The following EYS variants were observed in gnomAD, a reference collection of about 807,000 sequenced individuals.
The protein encoded by EYS is EGF-like photoreceptor maintenance factor, also known as protein eyes shut homolog.
Under a neutral mutation model 282.1 loss-of-function variants are expected in EYS, and 250 were observed. The ratio of observed to expected loss-of-function variants is 0.89; its 90% confidence interval spans 0.80 to 0.98. EYS has a LOEUF of 0.98. Ranked by LOEUF, EYS falls within the 50% of genes least tolerant of loss-of-function variation. The pLI is 0.00. For missense variants in EYS, 4,016 were observed against 3,709.0 expected (o/e 1.08, Z -2.15); for synonymous variants, 1,355 against 1,282.9 (o/e 1.06, Z -1.20).
intron 26 of EYS, among the ~76,000 whole-genome samples, chr6:64,502,068 T>TA (rs777233567): frequency 3.3e-5 from 5 of 152,192 alleles, no homozygotes; most frequent in Non-Finnish European, 7.3e-5. Context: ...GCTAAGTACT[T>TA]ATAGCAGTGC....
intron 26 of EYS, among the ~76,000 whole-genome samples, chr6:64,504,536 C>T (rs182661044): frequency 9.8e-5 from 15 of 152,300 alleles, no homozygotes; most frequent in Admixed American, 8.5e-4. Flanking sequence ...TGGACATTCA[C>T]TACTGCTGTC....
chr6:64,603,010 C>CT (rs1326248936), intron 24 of EYS, among the ~76,000 whole-genome samples: 1 of 151,844 alleles, frequency 6.6e-6, no homozygotes, highest in Non-Finnish European at 1.5e-5. Context: ...CCTATTGCCT[C>CT]TTGTGTTGGG....
intron 31 of EYS, among the ~76,000 whole-genome samples, chr6:64,208,364 C>G (rs1042952819): frequency 3.3e-5 from 5 of 152,214 alleles, no homozygotes; most frequent in Non-Finnish European, 7.4e-5. Flanking sequence ...TATTTTATTA[C>G]ATTGTTACAC....
At chr6:64,142,511 G>A (rs1774369490) in intron 31 of EYS, among the ~76,000 whole-genome samples, 1 of 152,068 alleles carries the variant, frequency 6.6e-6, no homozygotes, top group Non-Finnish European at 1.5e-5. Context: ...AGCAGTCAGT[G>A]CAGAAAGGGA....
At chr6:64,335,230 G>C (rs958360869) in intron 29 of EYS, among the ~76,000 whole-genome samples, 1 of 151,892 alleles carries the variant, frequency 6.6e-6, no homozygotes, top group African/African-American at 2.4e-5. Flanking sequence ...TAAAGTTGCT[G>C]CAAAGTGTGA....
intron 30 of EYS, among the ~76,000 whole-genome samples, chr6:64,276,656 A>G (rs1213101874): frequency 6.6e-6 from 1 of 152,180 alleles, no homozygotes; most frequent in East Asian, 1.9e-4. Flanking sequence ...TCAAAAAGTC[A>G]GTAATGGTGA....
At chr6:64,513,329 T>C (rs1436614014) in intron 26 of EYS, among the ~76,000 whole-genome samples, 1 of 151,936 alleles carries the variant, frequency 6.6e-6, no homozygotes, top group Non-Finnish European at 1.5e-5. Context: ...TTTTCTTTTA[T>C]CAAAAAACCC....
chr6:64,454,477 T>C (rs946516287), intron 26 of EYS, among the ~76,000 whole-genome samples: 1 of 152,150 alleles, frequency 6.6e-6, no homozygotes. Context: ...ACTGAAAATG[T>C]ATAAGTACAC....
intron 5 of EYS, among the ~76,000 whole-genome samples, chr6:65,466,169 A>C (rs1399611354): frequency 6.6e-6 from 1 of 152,142 alleles, no homozygotes; most frequent in Admixed American, 6.6e-5. Context: ...TAATGTATAT[A>C]TGATTTCAAA....
intron 26 of EYS, among the ~76,000 whole-genome samples, chr6:64,573,659 C>T (rs1765793307): frequency 1.3e-5 from 2 of 150,158 alleles, no homozygotes; most frequent in African/African-American, 4.8e-5. Flanking sequence ...ATGCAGGCAA[C>T]AAACATATGA....
intron 1 of EYS, among the ~76,000 whole-genome samples, chr6:65,643,494 T>C (rs1231556256): frequency 1.3e-5 from 2 of 152,294 alleles, no homozygotes; most frequent in South Asian, 4.1e-4. Flanking sequence ...GGGAGCTCTA[T>C]GGCCTTGTCC....
chr6:64,094,676 T>C (rs1157231951), intron 31 of EYS, among the ~76,000 whole-genome samples: 1 of 152,216 alleles, frequency 6.6e-6, no homozygotes, highest in Non-Finnish European at 1.5e-5. Flanking sequence ...GCTAGTGGTC[T>C]ATCAATGTTG....
At chr6:63,876,296 T>C (rs1490751815) in intron 35 of EYS, among the ~76,000 whole-genome samples, 1 of 152,256 alleles carries the variant, frequency 6.6e-6, no homozygotes, top group Non-Finnish European at 1.5e-5. Flanking sequence ...CTGAGTTTTT[T>C]AATCCTGTGT....
chr6:63,841,309 A>AACATATTCAAAT (rs1771951363), intron 36 of EYS, among the ~76,000 whole-genome samples: 1 of 152,156 alleles, frequency 6.6e-6, no homozygotes, highest in African/African-American at 2.4e-5. Context: ...TTGTATTTGA[A>AACATATTCAAAT]ACATATTCAT....
chr6:65,352,395 T>C (rs907755237), intron 9 of EYS, among the ~76,000 whole-genome samples: 5 of 151,892 alleles, frequency 3.3e-5, no homozygotes, highest in African/African-American at 9.7e-5. Context: ...GAAAATACCA[T>C]ATAGTCTTAA....
At chr6:64,451,852 C>T (rs548743978) in intron 26 of EYS, among the ~76,000 whole-genome samples, 39 of 151,626 alleles carry the variant, frequency 2.6e-4, no homozygotes, top group Non-Finnish European at 4.3e-4. Flanking sequence ...ATTGATGGGA[C>T]GTATCTCAAA....
At chr6:64,274,897 C>T (rs577388764) in intron 30 of EYS, among the ~76,000 whole-genome samples, 3 of 152,178 alleles carry the variant, frequency 2.0e-5, no homozygotes, top group Admixed American at 6.5e-5. Context: ...GTTTGAATGC[C>T]TAGTGGCGAC....
At chr6:63,937,651 G>C (rs958736452) in intron 35 of EYS, among the ~76,000 whole-genome samples, 5 of 151,818 alleles carry the variant, frequency 3.3e-5, no homozygotes, top group African/African-American at 1.2e-4. Flanking sequence ...AAAGGGCTGG[G>C]ATTATAGGCG....
At chr6:64,817,414 G>A (rs890324481) in intron 21 of EYS, among the ~76,000 whole-genome samples, 1 of 152,100 alleles carries the variant, frequency 6.6e-6, no homozygotes, top group African/African-American at 2.4e-5. Context: ...CAGACAAAAT[G>A]TAAATTATAT....
Sources: gnomAD v4.1 joint callset for allele counts (sites outside exome capture counted in the v4.1 genomes callset) on GRCh38, gnomAD v4.1.1 for gene constraint, MANE v1.5 for transcripts, NCBI Gene and HGNC (gene_info 2026-07-23, HGNC 2026-07-21) for gene names.